Variants in RUNDC3B observed in about 807,000 individuals in gnomAD.
The protein encoded by RUNDC3B is RUN domain-containing protein 3B.
RUNDC3B carries 33 observed loss-of-function variants against 58.4 expected under a neutral mutation model. The observed-to-expected ratio is 0.56, with a 90% CI of 0.43 to 0.75. The LOEUF is 0.75. Ranked by LOEUF, RUNDC3B falls within the 30% of genes least tolerant of loss-of-function variation. The pLI is 0.00. For synonymous variants in RUNDC3B, 193 were observed against 195.2 expected, an observed-to-expected ratio of 0.99 and a Z score of 0.10; for missense variants, 501 against 535.7, an observed-to-expected ratio of 0.94 and a Z score of 0.64.
chr7:87,770,286 G>A (rs1189765419), intron 6 of RUNDC3B, among the ~76,000 whole-genome samples: 2 of 151,946 alleles, frequency 1.3e-5, no homozygotes, highest in Non-Finnish European at 2.9e-5. Flanking sequence ...CTCTTCTCTG[G>A]AAATCTTTTC....
At chr7:87,651,718 A>G (rs774209531) in intron 2 of RUNDC3B, among the ~76,000 whole-genome samples, 4 of 152,138 alleles carry the variant, frequency 2.6e-5, no homozygotes, top group Non-Finnish European at 5.9e-5. Flanking sequence ...TCTCAGGCGT[A>G]CTGTGAAGAT....
At chr7:87,657,181 AATG>A (rs1824193703) in intron 2 of RUNDC3B, among the ~76,000 whole-genome samples, 1 of 152,148 alleles carries the variant, frequency 6.6e-6, no homozygotes, top group Non-Finnish European at 1.5e-5. Flanking sequence ...GAACCTTAGG[AATG>A]ACACAGTAGT....
At chr7:87,709,849 C>T (rs1218892131) in intron 3 of RUNDC3B, among the ~76,000 whole-genome samples, 2 of 152,116 alleles carry the variant, frequency 1.3e-5, no homozygotes, top group African/African-American at 2.4e-5. Context: ...GTTCTTACTA[C>T]AAATATGATC....
intron 4 of RUNDC3B, among the ~76,000 whole-genome samples, chr7:87,738,530 A>C (rs950834550): frequency 6.6e-6 from 1 of 151,880 alleles, no homozygotes. Flanking sequence ...TATTTTTTCC[A>C]TTTTGTACTT....
chr7:87,687,450 TTAAG>T (rs1827580314), intron 2 of RUNDC3B, among the ~76,000 whole-genome samples: 1 of 152,206 alleles, frequency 6.6e-6, no homozygotes, highest in Non-Finnish European at 1.5e-5. Flanking sequence ...CTGAGTTACA[TTAAG>T]TCTTAACTTC....
chr7:87,663,717 C>G (rs1042710092), intron 2 of RUNDC3B, among the ~76,000 whole-genome samples: 3 of 152,078 alleles, frequency 2.0e-5, no homozygotes, highest in Non-Finnish European at 2.9e-5. Context: ...AGTACTATAA[C>G]AAAATACTAC....
At chr7:87,784,443 G>A (rs1662956391) in intron 8 of RUNDC3B, among the ~76,000 whole-genome samples, 1 of 152,016 alleles carries the variant, frequency 6.6e-6, no homozygotes, top group Non-Finnish European at 1.5e-5. Context: ...TGTATGTTGT[G>A]TATAGTTGGT....
intron 6 of RUNDC3B, among the ~76,000 whole-genome samples, chr7:87,744,470 T>A (rs374103685): frequency 6.5e-4 from 99 of 152,332 alleles, no homozygotes; most frequent in Non-Finnish European, 1.1e-3. Flanking sequence ...CATTTGTTCA[T>A]GTAATCTGTG....
chr7:87,823,384 A>G (rs1176808497), intron 10 of RUNDC3B, among the ~76,000 whole-genome samples: 1 of 137,756 alleles, frequency 7.3e-6, no homozygotes, highest in African/African-American at 2.8e-5. Context: ...TCTTTCTTTA[A>G]AATTGAGTAT....
In RUNDC3B at chr7:87,767,300, C is replaced by T. The variant is rs554527016; in HGVS notation, c.630-3281C>T. 3.3e-5 allele frequency among the ~76,000 whole-genome samples: 5 copies of T among 152,294 alleles called. No homozygotes were observed. In the East Asian group the frequency reaches 9.7e-4, roughly 29 times the overall value. On this transcript the variant is annotated intron_variant, in intron 6 of 10. Transcript: ENST00000394654. ...GTGTAATCCTTTGGAGATGTCAAAA[C>T]ACTCTATCCTTTTGTGCTGCCAGAG...
At chr7:87,670,177 C>T (rs1825684646) in intron 2 of RUNDC3B, among the ~76,000 whole-genome samples, 1 of 152,000 alleles carries the variant, frequency 6.6e-6, no homozygotes, top group African/African-American at 2.4e-5. Flanking sequence ...CTTTTTATTC[C>T]TCTTTCATTA....
At chr7:87,811,706 T>A (rs76397452) in intron 9 of RUNDC3B, among the ~76,000 whole-genome samples, 1,750 of 152,280 alleles carry the variant, frequency 0.011, 36 homozygotes, top group African/African-American at 0.04. Flanking sequence ...TTCCCATTCA[T>A]GTCTTTCAAA....
At chr7:87,716,089 TTA>T (rs1830540371) in intron 4 of RUNDC3B, among the ~76,000 whole-genome samples, 3 of 152,156 alleles carry the variant, frequency 2.0e-5, no homozygotes, top group Admixed American at 2.0e-4. Flanking sequence ...TAATTAATTT[TTA>T]AAAAAATAAA....
chr7:87,749,751 T>C (rs548829085), intron 6 of RUNDC3B, among the ~76,000 whole-genome samples: 153 of 152,206 alleles, frequency 1.0e-3, no homozygotes, highest in African/African-American at 3.2e-3. Flanking sequence ...TAGCGGAAAG[T>C]TTAAGTCGCT....
intron 4 of RUNDC3B, among the ~76,000 whole-genome samples, chr7:87,734,710 T>C (rs1831817101): frequency 6.6e-6 from 1 of 152,058 alleles, no homozygotes; most frequent in African/African-American, 2.4e-5. Flanking sequence ...CCCTCATCAC[T>C]CCACCAAGAA....
At chr7:87,727,721 T>C (rs1831322344) in intron 4 of RUNDC3B, among the ~76,000 whole-genome samples, 1 of 152,158 alleles carries the variant, frequency 6.6e-6, no homozygotes, top group Non-Finnish European at 1.5e-5. Flanking sequence ...AAAAATATTT[T>C]TTATCTTATC....
chr7:87,689,754 A>T (rs1189617594), intron 2 of RUNDC3B, among the ~76,000 whole-genome samples: 4 of 152,128 alleles, frequency 2.6e-5, no homozygotes, highest in Non-Finnish European at 5.9e-5. Flanking sequence ...CCTTTTCAAA[A>T]TCATTTTATG....
At chr7:87,664,008 G>C (rs528771938) in intron 2 of RUNDC3B, among the ~76,000 whole-genome samples, 41 of 152,198 alleles carry the variant, frequency 2.7e-4, no homozygotes, top group Admixed American at 7.9e-4. Flanking sequence ...ATATATTGGG[G>C]ATAGGACTTA....
chr7:87,778,440 CAAA>C (rs34916526), intron 8 of RUNDC3B, among the ~76,000 whole-genome samples: 5 of 69,330 alleles, frequency 7.2e-5, no homozygotes, highest in Non-Finnish European at 9.7e-5. Flanking sequence ...AAAACTCTGT[CAAA>C]AAAAAAAAAA....
Sources: gnomAD v4.1 joint callset for allele counts (sites outside exome capture counted in the v4.1 genomes callset) on GRCh38, gnomAD v4.1.1 for gene constraint, MANE v1.5 for transcripts, NCBI Gene and HGNC (gene_info 2026-07-23, HGNC 2026-07-21) for gene names.